Variants in ZNF503 observed in about 807,000 individuals in gnomAD.
ZNF503 encodes zinc finger protein 503, also known as NocA-like zinc finger 2.
ZNF503 carries 15 observed loss-of-function variants against 34.4 expected under a neutral mutation model. The observed-to-expected ratio is 0.44, with a 90% CI of 0.29 to 0.67. The LOEUF (loss-of-function observed/expected upper bound fraction) is 0.67, where lower values mean the gene tolerates loss of function less well. Ranked by LOEUF, ZNF503 falls within the 30% of genes least tolerant of loss-of-function variation. The probability of loss-of-function intolerance (pLI) is 0.13; values close to 1 mark genes in which losing one functional copy is unlikely to be tolerated. For synonymous variants in ZNF503, 580 were observed against 456.8 expected (o/e 1.27, Z -3.44); for missense variants, 1,007 against 926.8 (o/e 1.09, Z -1.12).
At chr10:75,392,398 T>C in the ZNF503 span, among the ~76,000 whole-genome samples, 1 of 152,220 alleles carries the variant, frequency 6.6e-6, no homozygotes, top group South Asian at 2.1e-4. Flanking sequence ...CCTCTGCCTT[T>C]GCATTAAGTG....
the ZNF503 span, among the ~76,000 whole-genome samples, chr10:75,336,000 A>T: frequency 6.6e-6 from 1 of 152,334 alleles, no homozygotes; most frequent in African/African-American, 2.4e-5. Flanking sequence ...CCCTGACATT[A>T]TCAACTGGCA....
At chr10:75,340,170 CG>C in the ZNF503 span, among the ~76,000 whole-genome samples, 1 of 10,596 alleles carries the variant, frequency 9.4e-5, no homozygotes, top group African/African-American at 4.6e-4. Flanking sequence ...GGGGAGGGGG[CG>C]GGGGGTCGAG....
At chr10:75,294,454 G>A in the ZNF503 span, among the ~76,000 whole-genome samples, 1 of 152,148 alleles carries the variant, frequency 6.6e-6, no homozygotes, top group African/African-American at 2.4e-5. Flanking sequence ...TCCACATGAG[G>A]TTTCATGTAA....
At chr10:75,324,158 T>A in the ZNF503 span, among the ~76,000 whole-genome samples, 1 of 152,260 alleles carries the variant, frequency 6.6e-6, no homozygotes. Flanking sequence ...CAAAGCAAAA[T>A]TTTTTAATTG....
In ZNF503 at chr10:75,401,330, A is replaced by T. The variant is rs897236624; in HGVS notation, c.90T>A (p.Pro30=). 6.8e-7 allele frequency: 1 copy of T among 1,460,980 alleles called. No individual in the cohort carries two copies. The highest frequency in any genetic ancestry group is 9.3e-7 in the Non-Finnish European group (1 of 1,072,930). The allele number at this position is 1,460,980 out of a possible 1,614,324, so 90.5% of individuals were successfully genotyped here. A position where few individuals can be genotyped will look rare whatever the true frequency, so the allele number is the denominator to read the frequency against. Residue 30 remains proline, a synonymous_variant, in exon 1 of 2, where the codon CCT becomes CCA. Transcript: ENST00000372524. ...GGGGGGGGAD[P]AWTSALSGNS... is the part of the protein sequence containing the mutation. Reference sequence around the variant, plus strand: ...TTCCAGAGAGCGCGCTGGTCCAGGCAGGGTCTGCACCGCCGCCTCCGCCTC... The same window carrying T: ...TTCCAGAGAGCGCGCTGGTCCAGGCTGGGTCTGCACCGCCGCCTCCGCCTC...
Position 75,400,354 on chromosome 10 carries a change from C to T in ZNF503, c.336G>A (p.Pro112=). The change falls in exon 2 of 2, where the codon CCG becomes CCA. Residue 112 remains proline (P), a synonymous_variant. Coordinates refer to ENST00000372524, the MANE Select transcript of ZNF503 (RefSeq NM_032772.6). ...AACATGTTTGCGCCAACAGCGCCAG[C>T]GGGCTCTTCTTGGCATCGAGCTGCG... ...SPIELDAKKS[P]LALLAQTCSQ... is the part of the protein sequence containing the mutation. The T allele has an allele frequency of 1.2e-6, 2 of 1,609,276 alleles. No homozygotes were observed. The highest frequency in any genetic ancestry group is 2.2e-5 in the South Asian group (2 of 90,898).
At chr10:75,344,358 C>A in the ZNF503 span, among the ~76,000 whole-genome samples, 1 of 152,208 alleles carries the variant, frequency 6.6e-6, no homozygotes, top group South Asian at 2.1e-4. Flanking sequence ...TGCCTAGCCC[C>A]AGACAAGAAA....
chr10:75,280,552 A>ATGTGTG, the ZNF503 span, among the ~76,000 whole-genome samples: 1 of 110,052 alleles, frequency 9.1e-6, no homozygotes, highest in East Asian at 2.5e-4. Flanking sequence ...AGGGGTGTGT[A>ATGTGTG]TGCGTGTGTG....
chr10:75,325,548 A>T, the ZNF503 span, among the ~76,000 whole-genome samples: 1 of 152,120 alleles, frequency 6.6e-6, no homozygotes, highest in Non-Finnish European at 1.5e-5. Context: ...GGGTGGTTTG[A>T]GTTCTTTAAC....
chr10:75,346,568 T>C, the ZNF503 span, among the ~76,000 whole-genome samples: 2 of 151,980 alleles, frequency 1.3e-5, no homozygotes, highest in African/African-American at 4.8e-5. Flanking sequence ...CCCCTCCAAG[T>C]AGCTGAGACT....
chr10:75,305,316 G>C, the ZNF503 span, among the ~76,000 whole-genome samples: 22 of 152,062 alleles, frequency 1.4e-4, no homozygotes, highest in East Asian at 1.2e-3. Flanking sequence ...GAATAAGAAG[G>C]CCTCTACTGT....
chr10:75,383,219 C>T, the ZNF503 span, among the ~76,000 whole-genome samples: 1 of 152,172 alleles, frequency 6.6e-6, no homozygotes, highest in Non-Finnish European at 1.5e-5. Context: ...TCTTCCCCAT[C>T]CCAGCACACA....
the ZNF503 span, among the ~76,000 whole-genome samples, chr10:75,372,743 G>A: frequency 2.1e-4 from 32 of 152,314 alleles, no homozygotes; most frequent in South Asian, 1.7e-3. Context: ...ATCCAAGCCC[G>A]AGTTTCCTGG....
At chr10:75,311,670 C>CAAAAA in the ZNF503 span, among the ~76,000 whole-genome samples, 369 of 109,240 alleles carry the variant, frequency 3.4e-3, 1 homozygote, top group African/African-American at 0.012. Context: ...CTAAAAATAC[C>CAAAAA]AAAAAAAAAA....
At chr10:75,360,052 C>T in the ZNF503 span, among the ~76,000 whole-genome samples, 85 of 151,182 alleles carry the variant, frequency 5.6e-4, no homozygotes, top group East Asian at 0.013. Flanking sequence ...TATCAAGGAA[C>T]GCAGAGCTGA....
the ZNF503 span, chr10:75,360,990 C>A: frequency 1.3e-5 from 2 of 152,208 alleles, no homozygotes; most frequent in Non-Finnish European, 2.9e-5. Context: ...ACACAAAAAA[C>A]CAAGAGCTGC....
the ZNF503 span, among the ~76,000 whole-genome samples, chr10:75,374,474 G>A: frequency 1.3e-5 from 2 of 152,068 alleles, no homozygotes; most frequent in Admixed American, 6.6e-5. Context: ...TGGGGTCTTC[G>A]CACTTGCCAC....
chr10:75,351,474 G>A, the ZNF503 span, among the ~76,000 whole-genome samples: 2 of 152,198 alleles, frequency 1.3e-5, no homozygotes, highest in Admixed American at 6.5e-5. Context: ...GCCCAGCCAG[G>A]AGGTGGCATT....
downstream of ZNF503, among the ~76,000 whole-genome samples, chr10:75,397,599 T>G (rs1301585896): frequency 1.3e-5 from 2 of 152,032 alleles, no homozygotes; most frequent in African/African-American, 4.8e-5. Context: ...AAATGATAGA[T>G]AGCGGAGGAC....
Sources: allele counts gnomAD v4.1 joint callset (sites outside exome capture counted in the v4.1 genomes callset), GRCh38; gene constraint gnomAD v4.1.1; transcripts MANE v1.5; gene names NCBI Gene and HGNC (gene_info 2026-07-23, HGNC 2026-07-21).